The following CSMD1 variants were observed in gnomAD, a reference collection of about 807,000 sequenced individuals.
CSMD1 encodes CUB and sushi domain-containing protein 1.
A neutral mutation model predicts 417.5 loss-of-function variants in CSMD1; 213 were observed. The ratio of observed to expected loss-of-function variants is 0.51; its 90% CI spans 0.46 to 0.57. The LOEUF is 0.57. Among genes scored for constraint, CSMD1 ranks in the 20% least tolerant of loss-of-function variants. The pLI is 0.00. For missense variants in CSMD1, 6,923 were observed against 4,529.7 expected (o/e 1.53, Z -15.17); for synonymous variants, 2,862 against 1,736.8 (o/e 1.65, Z -16.11).
At chr8:3,479,277 T>G (rs1488070842) in intron 11 of CSMD1, among the ~76,000 whole-genome samples, 1 of 152,086 alleles carries the variant, frequency 6.6e-6, no homozygotes, top group Non-Finnish European at 1.5e-5. Context: ...TGCCATTATT[T>G]TTATTTATTT....
At chr8:2,991,170 A>G (rs1241331887) in intron 54 of CSMD1, among the ~76,000 whole-genome samples, 2 of 152,204 alleles carry the variant, frequency 1.3e-5, no homozygotes, top group Non-Finnish European at 2.9e-5. Context: ...CATTAAGGGT[A>G]TTTATTACTT....
intron 26 of CSMD1, among the ~76,000 whole-genome samples, chr8:3,234,868 C>G (rs888867693): frequency 2.0e-5 from 3 of 152,222 alleles, no homozygotes; most frequent in African/African-American, 7.2e-5. Context: ...CTTGAATTTA[C>G]TCTTTGAGTG....
In CSMD1 at chr8:2,938,540, C is replaced by T. The variant is rs774156708; in HGVS notation, c.*45G>A. 2.6e-6 allele frequency: 4 copies of T among 1,566,526 alleles called. No individual in the cohort carries two copies. Among genetic ancestry groups the T allele is most frequent in the Non-Finnish European group, 3.5e-6 (4 of 1,150,370 alleles). ...GGCACCAAAGGAATCACTGCTTGTC[C>T]ATCAGAGGTATGGCTATGAATCAGT... On this transcript the variant is annotated 3_prime_UTR_variant, in exon 70 of 70. Coordinates refer to ENST00000635120, the MANE Select transcript of CSMD1 (RefSeq NM_033225.6).
chr8:3,495,367 T>C (rs974071698), intron 10 of CSMD1, among the ~76,000 whole-genome samples: 3 of 152,184 alleles, frequency 2.0e-5, no homozygotes, highest in African/African-American at 7.2e-5. Context: ...GATAATTCAT[T>C]AAGGTTTGTG....
At chr8:4,220,862 G>T (rs375446038) in intron 3 of CSMD1, among the ~76,000 whole-genome samples, 7 of 152,200 alleles carry the variant, frequency 4.6e-5, no homozygotes, top group Non-Finnish European at 8.8e-5. Flanking sequence ...GTAGCTTGGG[G>T]TAACAAGTAA....
intron 6 of CSMD1, among the ~76,000 whole-genome samples, chr8:3,733,216 C>T (rs750954763): frequency 6.6e-6 from 1 of 150,626 alleles, no homozygotes; most frequent in Non-Finnish European, 1.5e-5. Context: ...CTCTCTCTCT[C>T]TCATACATAC....
chr8:3,687,331 G>C (rs1242853298), intron 7 of CSMD1, among the ~76,000 whole-genome samples: 1 of 152,200 alleles, frequency 6.6e-6, no homozygotes, highest in Admixed American at 6.5e-5. Flanking sequence ...TCCATGTAAG[G>C]CTGCAGAAGG....
At chr8:3,632,488 G>A (rs1417937617) in intron 7 of CSMD1, among the ~76,000 whole-genome samples, 1 of 152,164 alleles carries the variant, frequency 6.6e-6, no homozygotes, top group Non-Finnish European at 1.5e-5. Context: ...AACATGTCAT[G>A]ATAAAACCTT....
rs541557055 is a variant in CSMD1, at chr8:4,036,386, C to T, written c.416-4287G>A. ...CATGGTACTGCGCAATGGTATTTTC[C>T]AGCAGTGTAGAAATGTATTGACTTA... On this transcript the variant is annotated intron_variant, in intron 3 of 69. Transcript: ENST00000635120. Among the ~76,000 whole-genome samples the T allele has an allele frequency of 1.3e-3, 198 of 152,186 alleles. 2 individuals carry two copies. In the South Asian group the frequency reaches 0.039, roughly 30 times the overall value.
At position 4,148,314 on chromosome 8, in the gene CSMD1, A is replaced by T. The variant is rs113116632; in HGVS notation, c.416-116215T>A. On this transcript the variant is annotated intron_variant, in intron 3 of 69. Coordinates refer to ENST00000635120, the MANE Select transcript of CSMD1 (RefSeq NM_033225.6). Reference sequence around the variant, plus strand: ...GTTCTCACTCATAGGTGGGAATTGAACAATGAGAACACATAGACAGAGGAA... The same window carrying T: ...GTTCTCACTCATAGGTGGGAATTGATCAATGAGAACACATAGACAGAGGAA... Among the ~76,000 whole-genome samples the T allele has an allele frequency of 2.1e-3, 306 of 145,482 alleles. 1 individual carries two copies. The highest frequency in any genetic ancestry group is 7.1e-3 in the African/African-American group (279 of 39,494).
At chr8:3,073,313 T>A (rs920577227) in intron 49 of CSMD1, among the ~76,000 whole-genome samples, 3 of 150,946 alleles carry the variant, frequency 2.0e-5, no homozygotes, top group Non-Finnish European at 4.4e-5. Flanking sequence ...AGAAAGTAGT[T>A]GGAATTTTAA....
chr8:3,881,143 G>T (rs1806177015), intron 5 of CSMD1, among the ~76,000 whole-genome samples: 1 of 152,056 alleles, frequency 6.6e-6, no homozygotes, highest in Admixed American at 6.6e-5. Flanking sequence ...GCAGATATGT[G>T]CCATGTTTGT....
At chr8:4,009,682 T>C (rs931159744) in intron 4 of CSMD1, among the ~76,000 whole-genome samples, 2 of 152,084 alleles carry the variant, frequency 1.3e-5, no homozygotes, top group African/African-American at 4.8e-5. Flanking sequence ...TGGGAGATAT[T>C]ATTGAGGAAG....
rs1802732808 is a variant in CSMD1 at position 4,376,316 on chromosome 8, T to C, written c.415+43637A>G. On this transcript the variant is annotated intron_variant, in intron 3 of 69. Transcript: ENST00000635120. Reference sequence around the variant, plus strand: ...GTAGAAAATTTAGAAAGTCAGGACATTTTCAAGAAGAGAATAAAAGTTACC... The same window carrying C: ...GTAGAAAATTTAGAAAGTCAGGACACTTTCAAGAAGAGAATAAAAGTTACC... Among the ~76,000 whole-genome samples the C allele has an allele frequency of 3.3e-5, 5 of 152,310 alleles. No individual in the cohort carries two copies. The South Asian group carries it at 1.0e-3, about 32-fold the overall frequency.
chr8:4,675,011 C>CAGTTTAGG (rs1563117842), intron 1 of CSMD1, among the ~76,000 whole-genome samples: 1 of 152,152 alleles, frequency 6.6e-6, no homozygotes, highest in Non-Finnish European at 1.5e-5. Context: ...AGAGCCTTCC[C>CAGTTTAGG]CAGGGAACTA....
At chr8:3,569,473 A>T (rs1799856815) in intron 10 of CSMD1, among the ~76,000 whole-genome samples, 1 of 152,184 alleles carries the variant, frequency 6.6e-6, no homozygotes, top group Non-Finnish European at 1.5e-5. Context: ...GTTTGTATTG[A>T]CTAAGAGAGA....
At chr8:4,400,838 CATT>C (rs1163991542) in intron 3 of CSMD1, among the ~76,000 whole-genome samples, 6 of 148,366 alleles carry the variant, frequency 4.0e-5, no homozygotes, top group Non-Finnish European at 8.9e-5. Flanking sequence ...ATTTGAAGAA[CATT>C]TTTTATTTAA....
At chr8:4,463,372 C>A (rs1195183580) in intron 2 of CSMD1, among the ~76,000 whole-genome samples, 1 of 152,118 alleles carries the variant, frequency 6.6e-6, no homozygotes, top group Non-Finnish European at 1.5e-5. Context: ...TAAAATACTC[C>A]GGAAGTTCGA....
At chr8:3,940,958 AT>A (rs1810842128) in intron 5 of CSMD1, among the ~76,000 whole-genome samples, 1 of 151,662 alleles carries the variant, frequency 6.6e-6, no homozygotes, top group African/African-American at 2.4e-5. Flanking sequence ...ATATGTCCAA[AT>A]TGTCATTTAC....
Sources: gnomAD v4.1 joint callset for allele counts (sites outside exome capture counted in the v4.1 genomes callset) on GRCh38, gnomAD v4.1.1 for gene constraint, MANE v1.5 for transcripts, NCBI Gene and HGNC (gene_info 2026-07-23, HGNC 2026-07-21) for gene names.